The following CSRNP3 variants were observed in gnomAD, a reference collection of about 807,000 sequenced individuals.
The protein encoded by CSRNP3 is cysteine/serine-rich nuclear protein 3.
CSRNP3 carries 12 observed loss-of-function variants against 48.0 expected under a neutral mutation model. The observed-to-expected ratio is 0.25, with a 90% CI of 0.16 to 0.41. CSRNP3 has a LOEUF of 0.41. Ranked by LOEUF, CSRNP3 falls within the 10% of genes least tolerant of loss-of-function variation. The probability of loss-of-function intolerance (pLI) is 1.00; values close to 1 mark genes in which losing one functional copy is unlikely to be tolerated. For synonymous variants in CSRNP3, 263 were observed against 269.7 expected (o/e 0.98, Z 0.24); for missense variants, 580 against 724.4 (o/e 0.80, Z 2.29).
intron 4 of CSRNP3, among the ~76,000 whole-genome samples, chr2:165,615,808 C>T (rs1029347605): frequency 3.3e-5 from 5 of 151,208 alleles, no homozygotes; most frequent in Non-Finnish European, 5.9e-5. Flanking sequence ...AATCACAGCT[C>T]ACTGCAGCAT....
rs76459833 is a variant in CSRNP3 at position 165,529,157 on chromosome 2, A to G, written c.-24+11196A>G. Among the ~76,000 whole-genome samples the G allele has an allele frequency of 4.9e-3, 749 of 152,282 alleles. 17 individuals are homozygous for G. Among genetic ancestry groups the G allele is most frequent in the East Asian group, 0.037 (194 of 5,180 alleles). On this transcript the variant is annotated intron_variant, in intron 3 of 6. Transcript: ENST00000651982. ...AAATCAGAATGAGATATTGCCTCAC[A>G]CCAGTCAGAATGGCTAATACTTTGG...
intron 5 of CSRNP3, among the ~76,000 whole-genome samples, chr2:165,668,401 C>CTTTTTTTTTTT (rs71393687): frequency 1.1e-4 from 12 of 111,496 alleles, no homozygotes; most frequent in Middle Eastern, 4.6e-3. Flanking sequence ...TTCTTTCTTT[C>CTTTTTTTTTTT]TTTTTTTTTT....
At chr2:165,660,947 T>C (rs550813485) in intron 5 of CSRNP3, among the ~76,000 whole-genome samples, 1 of 152,182 alleles carries the variant, frequency 6.6e-6, no homozygotes, top group Non-Finnish European at 1.5e-5. Context: ...CTTAAAGTAT[T>C]CAGAAACACA....
At chr2:165,525,496 T>G (rs1031610321) in intron 3 of CSRNP3, among the ~76,000 whole-genome samples, 2 of 149,998 alleles carry the variant, frequency 1.3e-5, no homozygotes, top group African/African-American at 4.9e-5. Flanking sequence ...TTCTTTTTTT[T>G]TTTTTTTGGA....
At chr2:165,537,443 G>A (rs1011843659) in intron 3 of CSRNP3, among the ~76,000 whole-genome samples, 4 of 148,374 alleles carry the variant, frequency 2.7e-5, no homozygotes, top group African/African-American at 1.0e-4. Context: ...ATATAATGAA[G>A]GCTATTTATC....
chr2:165,667,321 A>C (rs556701939), intron 5 of CSRNP3, among the ~76,000 whole-genome samples: 41 of 152,314 alleles, frequency 2.7e-4, no homozygotes, highest in South Asian at 2.1e-3. Context: ...TTAATTGAAA[A>C]ATGGACACAT....
At chr2:165,480,409 G>A (rs1420345794) in intron 1 of CSRNP3, among the ~76,000 whole-genome samples, 2 of 152,144 alleles carry the variant, frequency 1.3e-5, no homozygotes, top group Admixed American at 1.3e-4. Context: ...GGCACAGGGT[G>A]TACACATTAC....
intron 4 of CSRNP3, among the ~76,000 whole-genome samples, chr2:165,624,519 C>A (rs941292699): frequency 4.6e-5 from 7 of 152,266 alleles, no homozygotes; most frequent in Admixed American, 3.3e-4. Context: ...TTTTGAGGTA[C>A]CCTGGTACCT....
At chr2:165,474,492 C>A (rs1160624441) in intron 1 of CSRNP3, among the ~76,000 whole-genome samples, 2 of 152,102 alleles carry the variant, frequency 1.3e-5, no homozygotes, top group African/African-American at 4.8e-5. Context: ...TCATGTATTA[C>A]CTTTTCATAT....
chr2:165,638,949 C>T (rs1686679031), intron 4 of CSRNP3, among the ~76,000 whole-genome samples: 1 of 151,708 alleles, frequency 6.6e-6, no homozygotes, highest in Admixed American at 6.6e-5. Context: ...GGGTTAGGTA[C>T]CTGTTGAGCC....
intron 3 of CSRNP3, among the ~76,000 whole-genome samples, chr2:165,559,590 G>A (rs1322107147): frequency 6.6e-6 from 1 of 152,018 alleles, no homozygotes; most frequent in African/African-American, 2.4e-5. Flanking sequence ...AAAGGGATGT[G>A]TAATGAAACT....
intron 3 of CSRNP3, among the ~76,000 whole-genome samples, chr2:165,542,205 G>C (rs1420853644): frequency 6.6e-6 from 1 of 152,152 alleles, no homozygotes; most frequent in Admixed American, 6.5e-5. Flanking sequence ...GAATATCACT[G>C]ATGGGACTGA....
chr2:165,599,269 A>G (rs1190496638), intron 4 of CSRNP3, among the ~76,000 whole-genome samples: 2 of 82,642 alleles, frequency 2.4e-5, no homozygotes, highest in African/African-American at 8.5e-5. Context: ...AAGAAAAAGA[A>G]AGAAAGAGAG....
At chr2:165,557,702 C>G (rs1685178367) in intron 3 of CSRNP3, among the ~76,000 whole-genome samples, 1 of 152,196 alleles carries the variant, frequency 6.6e-6, no homozygotes, top group African/African-American at 2.4e-5. Context: ...TCGTATTCAT[C>G]TCTGCCTCCC....
intron 5 of CSRNP3, among the ~76,000 whole-genome samples, chr2:165,668,401 C>CTTT (rs71393687): frequency 0.01 from 1,166 of 111,476 alleles, 38 homozygotes; most frequent in Non-Finnish European, 0.016. Context: ...TTCTTTCTTT[C>CTTT]TTTTTTTTTT....
intron 3 of CSRNP3, among the ~76,000 whole-genome samples, chr2:165,532,981 T>A (rs1417768596): frequency 6.6e-6 from 1 of 152,044 alleles, no homozygotes; most frequent in East Asian, 1.9e-4. Flanking sequence ...GAGAATAAAA[T>A]ACCTAGGAAT....
At position 165,573,970 on chromosome 2, in the gene CSRNP3, G is replaced by A. The variant is rs1355296184; in HGVS notation, c.-23-21073G>A. 3 of 170,448 alleles carry A rather than the reference G, an allele frequency of 1.8e-5. No homozygotes were observed. In the Admixed American group the frequency reaches 1.9e-4, roughly 11 times the overall value. The allele number at this position is 170,448 out of a possible 1,614,324, so 10.6% of individuals were successfully genotyped here. A position where few individuals can be genotyped will look rare whatever the true frequency, so the allele number is the denominator to read the frequency against. On this transcript the variant is annotated intron_variant, in intron 3 of 6. Coordinates refer to ENST00000651982, the MANE Select transcript of CSRNP3 (RefSeq NM_001172173.2). The stretch of plus-strand genomic sequence containing the variant: ...TTGGTTACCATAGTCGCTGCTGACA[G>A]CTTCTCTTGGTGGGGAGGGAGTAAG...
At chr2:165,565,097 T>C (rs760399397) in intron 3 of CSRNP3, among the ~76,000 whole-genome samples, 4 of 152,074 alleles carry the variant, frequency 2.6e-5, no homozygotes, top group Non-Finnish European at 5.9e-5. Context: ...TCATCAGTAA[T>C]TAAAGAGGCA....
chr2:165,518,582 T>G (rs1177568156), intron 3 of CSRNP3, among the ~76,000 whole-genome samples: 1 of 151,996 alleles, frequency 6.6e-6, no homozygotes, highest in Non-Finnish European at 1.5e-5. Context: ...TAATAACAAA[T>G]TAATGTACAA....
Sources: allele counts gnomAD v4.1 joint callset (sites outside exome capture counted in the v4.1 genomes callset), GRCh38; gene constraint gnomAD v4.1.1; transcripts MANE v1.5; gene names NCBI Gene and HGNC (gene_info 2026-07-23, HGNC 2026-07-21).